Variants in CHD4 observed in about 807,000 individuals in gnomAD.
The protein encoded by CHD4 is chromodomain helicase DNA binding protein 4, also known as ATP-dependent chromatin remodeler CHD4.
Under a neutral mutation model 235.5 loss-of-function variants are expected in CHD4, and 35 were observed. That is an observed-to-expected ratio of 0.15 (90% CI 0.11 to 0.20). The LOEUF (loss-of-function observed/expected upper bound fraction) is 0.20, where lower values mean the gene tolerates loss of function less well. Ranked by LOEUF, CHD4 falls within the 10% of genes least tolerant of loss-of-function variation. CHD4 has a pLI of 1.00. For missense variants in CHD4, 1,329 were observed against 2,432.3 expected (o/e 0.55, Z 9.54); for synonymous variants, 900 against 850.2 (o/e 1.06, Z -1.02).
intron 37 of CHD4, 197 bp downstream of exon 37, chr12:6,577,588 T>G: frequency 1.5e-6 from 1 of 657,062 alleles, no homozygotes; most frequent in Non-Finnish European, 2.6e-6. Context: ...CATAGTCACC[T>G]ACAGCTCATG....
chr12:6,601,426 C>T lies in CHD4; in HGVS notation c.662G>A (p.Ser221Asn). The T allele has an allele frequency of 6.2e-7, 1 of 1,614,220 alleles. No individual in the cohort carries two copies. The highest frequency in any genetic ancestry group is 8.5e-7 in the Non-Finnish European group (1 of 1,180,042). The change falls in exon 6 of 40, where the codon AGT becomes AAT. Residue 221 changes from serine (S) to asparagine (N), a missense_variant. This residue lies in a region of CHD4 where 160 missense variants were observed against 196.6 expected (regional missense o/e 0.81). Transcript: ENST00000544040. ...EFSTNNPFKG[S>N]SGASVAAAAA... ...CGCAGCTGCCACTGATGCCCCAGAA[C>T]TGCCTTTGAAGGGGTTATTGGTACT...
rs1490981256 is a variant in CHD4, at chr12:6,570,960, C to T, written c.5630G>A (p.Arg1877Gln). 2 of 1,614,122 alleles carry T rather than the reference C, an allele frequency of 1.2e-6. No individual in the cohort carries two copies. Among genetic ancestry groups the T allele is most frequent in the Non-Finnish European group, 8.5e-7 (1 of 1,180,034 alleles). ...TAACCTCACAGCAACTGGGGGAATT[C>T]GGGCAATGGTAGCTGGGAGTCGAGT... ...DVTRLPATIA[R>Q]IPPVAVRLQM... Residue 1877 changes from arginine (R) to glutamine (Q), a missense_variant, in exon 39 of 40, where the codon CGA (arginine) becomes CAA (glutamine). Arg to Gln is a conservative substitution (Grantham distance 43). Around this residue, in one of 26 missense-constraint regions of CHD4, gnomAD observed 135 missense variants for 282.3 expected, o/e 0.48. Transcript: ENST00000544040.
At chr12:6,595,194 G>A in intron 14 of CHD4, 140 bp downstream of exon 14, 2 of 648,956 alleles carry the variant, frequency 3.1e-6, no homozygotes, top group Non-Finnish European at 5.4e-6. Context: ...ATGTGGAGAA[G>A]TGGGGAAGCC....
intron 12 of CHD4, 121 bp from the exon 13 acceptor site, chr12:6,596,258 T>G: frequency 8.0e-7 from 1 of 1,254,176 alleles, no homozygotes; most frequent in Non-Finnish European, 1.1e-6. Context: ...AGATCACACG[T>G]TTTCAGAGCC....
chr12:6,604,832 C>G lies in CHD4; in HGVS notation c.100+1442G>C, dbSNP rs549820322. Among the ~76,000 whole-genome samples the G allele has an allele frequency of 2.0e-5, 3 of 152,232 alleles. No homozygotes were observed. The East Asian group carries it at 5.8e-4, about 29-fold the overall frequency. On this transcript the variant is annotated intron_variant, in intron 2 of 39. Transcript: ENST00000544040. ...AGAGTTCACAGCTCCTGCGCAGCTC[C>G]CGGTCAACATGAAAGGCAGCCCCAG...
intron 17 of CHD4, 35 bp from the exon 18 acceptor site, chr12:6,592,852 G>C (rs1018094847): frequency 1.9e-6 from 3 of 1,596,900 alleles, no homozygotes; most frequent in Non-Finnish European, 2.6e-6. Flanking sequence ...GAAATCCAAT[G>C]AAAACAGAGC....
intron 38 of CHD4, among the ~76,000 whole-genome samples, chr12:6,572,431 A>G (rs1464294117): frequency 2.6e-5 from 4 of 151,658 alleles, no homozygotes; most frequent in African/African-American, 9.7e-5. Context: ...ATCTCAGAAA[A>G]AAAAAAAAAA....
At chr12:6,589,448 C>T (rs1232139695) in intron 22 of CHD4, among the ~76,000 whole-genome samples, 3 of 152,200 alleles carry the variant, frequency 2.0e-5, no homozygotes, top group African/African-American at 7.2e-5. Flanking sequence ...AACATCATGT[C>T]CGTCCCCCAG....
chr12:6,602,008 G>A lies in CHD4; in HGVS notation c.390C>T (p.Ser130=), dbSNP rs368112823. Residue 130 remains serine (S), a synonymous_variant, in exon 4 of 40, where the codon TCC becomes TCT. Transcript: ENST00000544040. ...LGPKKEKKSK[S]KRKEEEEEED... ...CCTCCTCCTCCTCCTCCTTCCGCTT[G>A]GATTTGCTCTTCTTCTCTTTCTTAG... 19 of 1,611,060 alleles carry A rather than the reference G, an allele frequency of 1.2e-5. No individual in the cohort carries two copies. The highest frequency in any genetic ancestry group is 1.4e-5 in the Non-Finnish European group (17 of 1,179,918).
chr12:6,597,275 A>G (rs1219509699), intron 12 of CHD4, among the ~76,000 whole-genome samples: 1 of 151,664 alleles, frequency 6.6e-6, no homozygotes, highest in Admixed American at 6.6e-5. Flanking sequence ...TCTCAAAAAA[A>G]AACAATAATA....
At chr12:6,584,952 G>A (rs1948255985) in intron 25 of CHD4, among the ~76,000 whole-genome samples, 1 of 152,144 alleles carries the variant, frequency 6.6e-6, no homozygotes, top group Non-Finnish European at 1.5e-5. Context: ...AGACCATTCA[G>A]CCACACTTAC....
intron 33 of CHD4, 42 bp downstream of exon 33, chr12:6,581,002 T>C (rs1948176101): frequency 4.4e-6 from 7 of 1,608,992 alleles, no homozygotes; most frequent in Admixed American, 1.7e-5. Context: ...CTACACTGTC[T>C]CAAAACAAAC....
intron 14 of CHD4, among the ~76,000 whole-genome samples, 180 bp from the exon 15 acceptor site, chr12:6,594,830 G>A (rs1252256590): frequency 6.6e-6 from 1 of 152,148 alleles, no homozygotes; most frequent in Non-Finnish European, 1.5e-5. Flanking sequence ...GGTCCTCCAG[G>A]AAACAGGGCT....
intron 14 of CHD4, among the ~76,000 whole-genome samples, 194 bp downstream of exon 14, chr12:6,595,140 T>C (rs1948465038): frequency 6.6e-6 from 1 of 151,826 alleles, no homozygotes; most frequent in South Asian, 2.1e-4. Context: ...TTTTTTCTGA[T>C]GACAAAAGAA....
chr12:6,595,966 A>C, intron 13 of CHD4, 40 bp downstream of exon 13: 1 of 1,573,888 alleles, frequency 6.4e-7, no homozygotes. Flanking sequence ...CAAAAAAAAA[A>C]AAAAAGAAAC....
chr12:6,577,742 C>A, intron 37 of CHD4, 43 bp downstream of exon 37: 1 of 1,610,766 alleles, frequency 6.2e-7, no homozygotes, highest in Non-Finnish European at 8.5e-7. Context: ...TACGCACTTT[C>A]AAGTTTGTCA....
At chr12:6,586,055 G>A (rs1478009880) in intron 25 of CHD4, among the ~76,000 whole-genome samples, 2 of 149,552 alleles carry the variant, frequency 1.3e-5, no homozygotes, top group African/African-American at 2.5e-5. Context: ...GGCTGTGATC[G>A]CACCACTGAA....
intron 12 of CHD4, among the ~76,000 whole-genome samples, chr12:6,597,045 G>A (rs562815430): frequency 1.3e-5 from 2 of 148,872 alleles, no homozygotes; most frequent in African/African-American, 4.9e-5. Flanking sequence ...GGAGGTGAGC[G>A]GATCACAAGG....
Position 6,578,232 on chromosome 12 carries a change from C to A in CHD4, c.5120-95G>T, listed in dbSNP as rs1273434089. The stretch of plus-strand genomic sequence containing the variant: ...TATTCTTGTCCCCCACCATCCCCTA[C>A]CCCTGGATCCATTTCATATAATTTG... On this transcript the variant is annotated intron_variant, in intron 35 of 39. Transcript: ENST00000544040. 5.2e-6 allele frequency: 7 copies of A among 1,341,066 alleles called. No individual in the cohort carries two copies. The Admixed American group carries it at 8.8e-5, about 17-fold the overall frequency. 83.1% of individuals were successfully genotyped at this position (1,341,066 alleles called of 1,614,324 possible).
Sources: gnomAD v4.1 joint callset for allele counts (sites outside exome capture counted in the v4.1 genomes callset) on GRCh38, gnomAD v4.1.1 for gene constraint, gnomAD v4.1.1 regional missense constraint, MANE v1.5 for transcripts, NCBI Gene and HGNC (gene_info 2026-07-23, HGNC 2026-07-21) for gene names.